AGAP1: variants seen among roughly 807,000 people sequenced by gnomAD.
AGAP1 encodes ArfGAP with GTPase domain, ankyrin repeat and PH domain 1, also known as arf-GAP with GTPase, ANK repeat and PH domain-containing protein 1.
Under a neutral mutation model 105.3 loss-of-function variants are expected in AGAP1, and 29 were observed. The ratio of observed to expected loss-of-function variants is 0.28; its 90% confidence interval spans 0.21 to 0.38. The LOEUF (loss-of-function observed/expected upper bound fraction) is 0.38. AGAP1 is among the 10% of genes least tolerant of loss of function. The pLI is 1.00. For missense variants in AGAP1, 998 were observed against 1,165.1 expected (o/e 0.86, Z 2.09); for synonymous variants, 509 against 485.9 (o/e 1.05, Z -0.63).
chr2:235,735,545 C>A (rs1446325417), intron 3 of AGAP1, among the ~76,000 whole-genome samples: 1 of 152,042 alleles, frequency 6.6e-6, no homozygotes, highest in Non-Finnish European at 1.5e-5. Flanking sequence ...GAATAGTAAT[C>A]GTGAAAGGCT....
intron 1 of AGAP1, among the ~76,000 whole-genome samples, chr2:235,678,769 T>A (rs377310458): frequency 7.9e-5 from 12 of 152,212 alleles, no homozygotes; most frequent in Admixed American, 5.9e-4. Flanking sequence ...TGGTATATTC[T>A]GCCGGCTCAC....
rs1370671008 is a variant in AGAP1 at position 235,901,234 on chromosome 2, T to C, written c.1156-7504T>C. 6.6e-6 allele frequency among the ~76,000 whole-genome samples: 1 copy of C among 152,164 alleles called. No individual in the cohort carries two copies. Among genetic ancestry groups the C allele is most frequent in the African/African-American group, 2.4e-5 (1 of 41,450 alleles). On this transcript the variant is annotated intron_variant, in intron 10 of 17. Transcript: ENST00000304032. The surrounding 1 kb of genome is among the most constrained non-coding windows in gnomAD (Gnocchi z 4.3). ...AGTTTCCTTTGAATATAATATTAAA[T>C]GGAGTTTGGGAATAGTAGTGAACTT...
chr2:235,927,399 T>C lies in AGAP1; in HGVS notation c.1325-3366T>C, dbSNP rs1417481688. ...GCATCTCAGTGGATTGGACTTGTCC[T>C]TGTATTTTGATGGACAGACAGAAGT... is the stretch of plus-strand genomic sequence containing the variant. On this transcript the variant is annotated intron_variant, in intron 11 of 17. Coordinates refer to ENST00000304032, the MANE Select transcript of AGAP1 (RefSeq NM_001037131.3). The surrounding 1 kb of genome is among the most constrained non-coding windows in gnomAD (Gnocchi z 4.4). Among the ~76,000 whole-genome samples the C allele has an allele frequency of 6.6e-6, 1 of 152,192 alleles. No individual in the cohort carries two copies. The highest frequency in any genetic ancestry group is 1.5e-5 in the Non-Finnish European group (1 of 68,018).
intron 1 of AGAP1, among the ~76,000 whole-genome samples, chr2:235,661,842 C>T (rs1043204216): frequency 6.6e-6 from 1 of 152,144 alleles, no homozygotes; most frequent in African/African-American, 2.4e-5. Context: ...AGTGATGTCC[C>T]TTGGCCTCTG....
intron 1 of AGAP1, among the ~76,000 whole-genome samples, chr2:235,519,090 T>C (rs1378772827): frequency 1.3e-5 from 2 of 152,204 alleles, no homozygotes; most frequent in African/African-American, 2.4e-5. Flanking sequence ...TGTTTATTTA[T>C]GAGACAGGGT....
In AGAP1 at chr2:235,692,716, A is replaced by T. The variant is rs1949793863; in HGVS notation, c.164-16463A>T. ...GTGCACCCCGCCAGCCTCCCTGCTT[A>T]TCCTTCCCTGCCGCCTCGTGTGTCC... On this transcript the variant is annotated intron_variant, in intron 1 of 17. Coordinates refer to ENST00000304032, the MANE Select transcript of AGAP1 (RefSeq NM_001037131.3). The surrounding 1 kb of genome is among the most constrained non-coding windows in gnomAD (Gnocchi z 5.8). Among the ~76,000 whole-genome samples the T allele has an allele frequency of 1.3e-5, 2 of 152,092 alleles. No homozygotes were observed. The highest frequency in any genetic ancestry group is 4.2e-4 in the South Asian group (2 of 4,812).
intron 16 of AGAP1, among the ~76,000 whole-genome samples, chr2:236,077,882 AG>A (rs2058681971): frequency 6.6e-6 from 1 of 152,294 alleles, no homozygotes; most frequent in Non-Finnish European, 1.5e-5. Flanking sequence ...GCTCTCCAGA[AG>A]GGTGGTGCCC....
Sources: allele counts gnomAD v4.1 joint callset (sites outside exome capture counted in the v4.1 genomes callset), GRCh38; gene constraint gnomAD v4.1.1; non-coding constraint Gnocchi (gnomAD v3.1); transcripts MANE v1.5; gene names NCBI Gene and HGNC (gene_info 2026-07-23, HGNC 2026-07-21).